The following TUBA8 variants were observed in gnomAD, a reference collection of about 807,000 sequenced individuals.
TUBA8 encodes tubulin alpha 8.
Under a neutral mutation model 34.7 loss-of-function variants are expected in TUBA8, and 29 were observed. That is an observed-to-expected ratio of 0.84 (90% CI 0.62 to 1.14). TUBA8 has a LOEUF of 1.14. Among genes scored for constraint, TUBA8 ranks in the 50% most tolerant of loss-of-function variants. The pLI, the probability that TUBA8 is intolerant of heterozygous loss-of-function variation, is 0.00. For synonymous variants in TUBA8, 226 were observed against 231.2 expected, an observed-to-expected ratio of 0.98 and a Z score of 0.21; for missense variants, 541 against 599.2, an observed-to-expected ratio of 0.90 and a Z score of 1.01.
chr22:18,130,701 C>T, intron 4 of TUBA8, 142 bp from the exon 5 acceptor site: 1 of 1,072,018 alleles, frequency 9.3e-7, no homozygotes, highest in Non-Finnish European at 1.4e-6. Context: ...TCCCATCCCG[C>T]CTGTTGCATC....
chr22:18,115,007 A>G (rs1004121780), intron 1 of TUBA8: 1 of 152,178 alleles, frequency 6.6e-6, no homozygotes, highest in Non-Finnish European at 1.5e-5. Flanking sequence ...CAAAATTATA[A>G]AAGGGCTGCA....
chr22:18,124,571 G>A lies in TUBA8; in HGVS notation c.375+267G>A. 2.5e-6 allele frequency: 1 copy of A among 406,976 alleles called. No homozygotes were observed. Among genetic ancestry groups the A allele is most frequent in the Non-Finnish European group, 4.4e-6 (1 of 225,864 alleles). 25.2% of individuals were successfully genotyped at this position (406,976 alleles called of 1,614,324 possible). A position where few individuals can be genotyped will look rare whatever the true frequency, so the allele number is the denominator to read the frequency against. ...CTGTTAGTATCTGGGGAAGGTTCCG[G>A]GTATAAGGCAGGATGAGGTCTCTGC... On this transcript the variant is annotated intron_variant, in intron 3 of 4. Transcript: ENST00000330423. This position sits in a 1 kb window ranked among gnomAD's most constrained non-coding sequence, Gnocchi z 4.3.
chr22:18,110,831 A>C lies in TUBA8; in HGVS notation c.-35A>C. ...TGGAGCAGTCGGGGCGGGCAGGCCC[A>C]GCTGAGAGGTGCGCGGGCGAGGACA... On this transcript the variant is annotated 5_prime_UTR_variant, in exon 1 of 5. Coordinates refer to ENST00000330423, the MANE Select transcript of TUBA8 (RefSeq NM_018943.3). The surrounding 1 kb of genome is among the most constrained non-coding windows in gnomAD (Gnocchi z 6.2). The C allele has an allele frequency of 3.2e-6, 5 of 1,539,748 alleles. No individual in the cohort carries two copies. The highest frequency in any genetic ancestry group is 4.4e-6 in the Non-Finnish European group (5 of 1,148,612).
At position 18,124,084 on chromosome 22, in the gene TUBA8, C is replaced by A; in HGVS notation, c.227-72C>A. The A allele has an allele frequency of 3.1e-6, 5 of 1,593,344 alleles. No individual in the cohort carries two copies. The South Asian group carries it at 5.5e-5, about 18-fold the overall frequency. On this transcript the variant is annotated intron_variant, in intron 2 of 4. Coordinates refer to ENST00000330423, the MANE Select transcript of TUBA8 (RefSeq NM_018943.3). This position sits in a 1 kb window ranked among gnomAD's most constrained non-coding sequence, Gnocchi z 4.3. ...TAGGTAGGGGAGAACGGAAGGGGTC[C>A]TGCGGTAGTGTGGTAGGGAGGGAGG...
chr22:18,122,057 G>T, intron 2 of TUBA8: 1 of 255,816 alleles, frequency 3.9e-6, no homozygotes. Context: ...AGGTTTCTGA[G>T]TCTGCCCTCG....
Position 18,110,819 on chromosome 22 carries a change from G to A in TUBA8, c.-47G>A, listed in dbSNP as rs770923881. 2.0e-6 allele frequency: 3 copies of A among 1,537,730 alleles called. No homozygotes were observed. In the African/African-American group the frequency reaches 4.1e-5, roughly 21 times the overall value. On this transcript the variant is annotated 5_prime_UTR_variant, in exon 1 of 5. Coordinates refer to ENST00000330423, the MANE Select transcript of TUBA8 (RefSeq NM_018943.3). This position sits in a 1 kb window ranked among gnomAD's most constrained non-coding sequence, Gnocchi z 6.2. ...GGCGGCTGTATCTGGAGCAGTCGGG[G>A]CGGGCAGGCCCAGCTGAGAGGTGCG...
intron 4 of TUBA8, chr22:18,129,097 TC>T (rs1928421935): frequency 6.6e-6 from 1 of 152,112 alleles, no homozygotes; most frequent in East Asian, 1.9e-4. Context: ...ATATATAATT[TC>T]CCCCCAAGAC....
In TUBA8 at chr22:18,121,659, G is replaced by A; in HGVS notation, c.184G>A (p.Val62Met). Residue 62 changes from valine to methionine, a missense_variant, in exon 2 of 5, where the codon GTG (valine) becomes ATG (methionine). By Grantham distance (21) the Val-to-Met change is conservative (BLOSUM62 1). Coordinates refer to ENST00000330423, the MANE Select transcript of TUBA8 (RefSeq NM_018943.3). This position sits in a 1 kb window ranked among gnomAD's most constrained non-coding sequence, Gnocchi z 4.8. The stretch of plus-strand genomic sequence containing the variant: ...CAGCGAGACTGGCAATGGGAAGCAT[G>A]TGCCCCGGGCCGTCATGATAGATCT... The part of the protein sequence containing the change: ...FFSETGNGKH[V>M]PRAVMIDLEP... 1.2e-6 allele frequency: 2 copies of A among 1,614,230 alleles called. No homozygotes were observed. The highest frequency in any genetic ancestry group is 1.7e-6 in the Non-Finnish European group (2 of 1,180,046).
At chr22:18,123,970 C>T in intron 2 of TUBA8, 186 bp from the exon 3 acceptor site, 1 of 693,486 alleles carries the variant, frequency 1.4e-6, no homozygotes, top group South Asian at 1.7e-5. Flanking sequence ...GGCCTTGGCT[C>T]TGTTAGTCCC....
intron 4 of TUBA8, 38 bp downstream of exon 4, chr22:18,127,072 G>C (rs749434875): frequency 5.0e-6 from 8 of 1,610,138 alleles, no homozygotes; most frequent in Admixed American, 3.3e-5. Flanking sequence ...GAGAGGACTA[G>C]AGAAGCAGAG....
In TUBA8 at chr22:18,126,322, CATG is replaced by C. The variant is rs1251894232; in HGVS notation, c.376-29_376-27del. On this transcript the variant is annotated intron_variant, in intron 3 of 4. Transcript: ENST00000330423. This position sits in a 1 kb window ranked among gnomAD's most constrained non-coding sequence, Gnocchi z 4.0. Reference sequence around the variant, plus strand: ...TGGGGTGTTCTCGGAAACTTGTCTTCATGATTTCTTCTCATGTCCTGCTCTCCC... The same window carrying C: ...TGGGGTGTTCTCGGAAACTTGTCTTCATTTCTTCTCATGTCCTGCTCTCCC... The C allele has an allele frequency of 1.2e-6, 2 of 1,611,440 alleles. No homozygotes were observed. Among genetic ancestry groups the C allele is most frequent in the African/African-American group, 2.7e-5 (2 of 74,996 alleles).
chr22:18,123,387 T>A (rs1169212569), intron 2 of TUBA8: 1 of 151,546 alleles, frequency 6.6e-6, no homozygotes, highest in Non-Finnish European at 1.5e-5. Flanking sequence ...CCCGAGTAGC[T>A]GGGACTACAG....
Position 18,124,539 on chromosome 22 carries a change from A to T in TUBA8, c.375+235A>T, listed in dbSNP as rs9604830. The T allele has an allele frequency of 0.033, 16,963 of 512,122 alleles. 374 individuals are homozygous for T. Among genetic ancestry groups the T allele is most frequent in the Non-Finnish European group, 0.045 (13,067 of 288,888 alleles). The allele number at this position is 512,122 out of a possible 1,614,324, so 31.7% of individuals were successfully genotyped here. Reference sequence around the variant, plus strand: ...GCTGAGGCCCTACTCATACTCATTGATACTCTCTGTTAGTATCTGGGGAAG... The same window carrying T: ...GCTGAGGCCCTACTCATACTCATTGTTACTCTCTGTTAGTATCTGGGGAAG... On this transcript the variant is annotated intron_variant, in intron 3 of 4. Transcript: ENST00000330423. This position sits in a 1 kb window ranked among gnomAD's most constrained non-coding sequence, Gnocchi z 4.3.
intron 1 of TUBA8, chr22:18,117,719 G>A (rs796331149): frequency 4.8e-5 from 7 of 147,332 alleles, no homozygotes; most frequent in African/African-American, 1.8e-4. Context: ...AGCTTGCAGT[G>A]AGCCGAGATC....
chr22:18,119,510 T>G lies in TUBA8; in HGVS notation c.4-1969T>G. The G allele has an allele frequency of 6.6e-6, 1 of 152,168 alleles. No individual in the cohort carries two copies. The highest frequency in any genetic ancestry group is 1.9e-4 in the East Asian group (1 of 5,186). 9.4% of individuals were successfully genotyped at this position (152,168 alleles called of 1,614,324 possible). A position where few individuals can be genotyped will look rare whatever the true frequency, so the allele number is the denominator to read the frequency against. ...AGGCCACACAGCACAGCAAGTAAAT[T>G]GAGAAGGCAACATGGGAACCTGGGG... On this transcript the variant is annotated intron_variant, in intron 1 of 4. Coordinates refer to ENST00000330423, the MANE Select transcript of TUBA8 (RefSeq NM_018943.3). The surrounding 1 kb of genome is among the most constrained non-coding windows in gnomAD (Gnocchi z 5.9).
In TUBA8 at chr22:18,124,344, A is replaced by C. The variant is rs1928253973; in HGVS notation, c.375+40A>C. 6.2e-7 allele frequency: 1 copy of C among 1,600,786 alleles called. No homozygotes were observed. The highest frequency in any genetic ancestry group is 2.2e-5 in the East Asian group (1 of 44,618). ...GCAGGGGACGGGTGGGTCAGGCTGG[A>C]GTGGACAGGCTTGGCCCCATGCCTC... On this transcript the variant is annotated intron_variant, in intron 3 of 4. Coordinates refer to ENST00000330423, the MANE Select transcript of TUBA8 (RefSeq NM_018943.3). This position sits in a 1 kb window ranked among gnomAD's most constrained non-coding sequence, Gnocchi z 4.3.
intron 4 of TUBA8, chr22:18,128,269 G>C (rs1928399749): frequency 6.6e-6 from 1 of 152,182 alleles, no homozygotes; most frequent in Non-Finnish European, 1.5e-5. Context: ...AAGCCGTGTG[G>C]CTGGTGGTAA....
In TUBA8 at chr22:18,124,190, C is replaced by A. The variant is rs1365309769; in HGVS notation, c.261C>A (p.Phe87Leu). Reference sequence around the variant, plus strand: ...GGGCAGGAACCTACCGCCAGCTCTTCCATCCAGAGCAGCTGATCACAGGAA... The same window carrying A: ...GGGCAGGAACCTACCGCCAGCTCTTACATCCAGAGCAGCTGATCACAGGAA... ...EVRAGTYRQL[F>L]HPEQLITGKE... is the part of the protein sequence containing the mutation. Residue 87 changes from phenylalanine to leucine, a missense_variant, in exon 3 of 5, where the codon TTC becomes TTA. Phe to Leu is a conservative substitution (Grantham distance 22, BLOSUM62 0). Transcript: ENST00000330423. The surrounding 1 kb of genome is among the most constrained non-coding windows in gnomAD (Gnocchi z 4.3). 6 of 1,614,212 alleles carry A rather than the reference C, an allele frequency of 3.7e-6. No individual in the cohort carries two copies. The South Asian group carries it at 6.6e-5, about 18-fold the overall frequency.
intron 2 of TUBA8, chr22:18,122,018 A>C: frequency 9.3e-6 from 3 of 323,136 alleles, no homozygotes; most frequent in Admixed American, 4.3e-5. Flanking sequence ...ATTATAAGAC[A>C]CCCCTAAGTG....
Sources: gnomAD v4.1 joint callset for allele counts on GRCh38, gnomAD v4.1.1 for gene constraint, Gnocchi (gnomAD v3.1) non-coding constraint, MANE v1.5 for transcripts, NCBI Gene and HGNC (gene_info 2026-07-23, HGNC 2026-07-21) for gene names.